PPP6R2: variants seen among roughly 807,000 people sequenced by gnomAD.
PPP6R2 encodes protein phosphatase 6 regulatory subunit 2, also known as serine/threonine-protein phosphatase 6 regulatory subunit 2.
A neutral mutation model predicts 100.2 loss-of-function variants in PPP6R2; 62 were observed. That is an observed-to-expected ratio of 0.62 (90% CI 0.50 to 0.76). The LOEUF (loss-of-function observed/expected upper bound fraction) is 0.76, where lower values mean the gene tolerates loss of function less well. Ranked by LOEUF, PPP6R2 falls within the 30% of genes least tolerant of loss-of-function variation. The probability of loss-of-function intolerance (pLI) is 0.00; values close to 1 mark genes in which losing one functional copy is unlikely to be tolerated. For missense variants in PPP6R2, 1,142 were observed against 1,276.3 expected, an observed-to-expected ratio of 0.89 and a Z score of 1.60; for synonymous variants, 525 against 514.7, an observed-to-expected ratio of 1.02 and a Z score of -0.27.
At chr22:50,359,252 T>C (rs1399032536) in intron 1 of PPP6R2, among the ~76,000 whole-genome samples, 1 of 142,818 alleles carries the variant, frequency 7.0e-6, no homozygotes, top group African/African-American at 2.7e-5. Flanking sequence ...TGAGTCTTGC[T>C]CTGTCGCCCA....
At chr22:50,362,556 G>A (rs1263149849) in intron 1 of PPP6R2, among the ~76,000 whole-genome samples, 1 of 152,154 alleles carries the variant, frequency 6.6e-6, no homozygotes, top group Admixed American at 6.5e-5. Flanking sequence ...TGGTGGAAGG[G>A]CTCAAAGACA....
intron 1 of PPP6R2, among the ~76,000 whole-genome samples, chr22:50,358,220 C>A (rs762076886): frequency 6.6e-6 from 1 of 152,098 alleles, no homozygotes; most frequent in Admixed American, 6.6e-5. Flanking sequence ...CCTCCTGAGT[C>A]GCTCAGATTA....
chr22:50,337,277 TGTGTG>T, the PPP6R2 span, among the ~76,000 whole-genome samples: 3 of 142,440 alleles, frequency 2.1e-5, no homozygotes, highest in African/African-American at 5.3e-5. Context: ...GTGTGGTACA[TGTGTG>T]GTGTGTGGTA....
upstream of PPP6R2, among the ~76,000 whole-genome samples, chr22:50,339,261 ATT>A (rs1434763761): frequency 1.8e-5 from 1 of 56,172 alleles, no homozygotes; most frequent in Non-Finnish European, 3.1e-5. Flanking sequence ...GTGTTGTGTG[ATT>A]GTGTGGTGTG....
At chr22:50,432,721 G>A (rs1314901914) in intron 12 of PPP6R2, among the ~76,000 whole-genome samples, 1 of 152,350 alleles carries the variant, frequency 6.6e-6, no homozygotes, top group African/African-American at 2.4e-5. Flanking sequence ...CTTAATGGGT[G>A]CTCCCTCTGG....
At chr22:50,387,193 C>A (rs2148765219) in intron 2 of PPP6R2, among the ~76,000 whole-genome samples, 1 of 152,208 alleles carries the variant, frequency 6.6e-6, no homozygotes, top group South Asian at 2.1e-4. Flanking sequence ...CCCGGAGTAG[C>A]TGAGATGATA....
rs1370619181 is a variant in PPP6R2, at chr22:50,444,972, TGTC to T, written c.*729_*731del. ...TTTCTAGCACTACCGGTCACGGCCA[TGTC>T]GTCCTAGAAGGGTCCAGAAGATTAT... is the stretch of plus-strand genomic sequence containing the variant. On this transcript the variant is annotated 3_prime_UTR_variant, in exon 24 of 24. Coordinates refer to ENST00000612753, the MANE Select transcript of PPP6R2 (RefSeq NM_001242898.2). The T allele has an allele frequency of 3.3e-5, 5 of 152,608 alleles. No individual in the cohort carries two copies. Among genetic ancestry groups the T allele is most frequent in the Admixed American group, 6.5e-5 (1 of 15,286 alleles). 9.5% of individuals were successfully genotyped at this position (152,608 alleles called of 1,614,324 possible). A position where few individuals can be genotyped will look rare whatever the true frequency, so the allele number is the denominator to read the frequency against.
intron 12 of PPP6R2, among the ~76,000 whole-genome samples, chr22:50,433,235 C>G (rs540809371): frequency 1.2e-4 from 13 of 107,944 alleles, no homozygotes; most frequent in African/African-American, 4.4e-4. Flanking sequence ...GCAGGGGGCG[C>G]GGACGCTGGG....
intron 1 of PPP6R2, among the ~76,000 whole-genome samples, chr22:50,360,848 A>G (rs1369921775): frequency 6.6e-6 from 1 of 152,124 alleles, no homozygotes; most frequent in Non-Finnish European, 1.5e-5. Context: ...AGAGTCTGTC[A>G]GTATCTGTTT....
upstream of PPP6R2, among the ~76,000 whole-genome samples, chr22:50,339,021 G>C (rs1601853031): frequency 7.0e-6 from 1 of 143,872 alleles, no homozygotes; most frequent in African/African-American, 2.6e-5. Flanking sequence ...TGTGGTGTGT[G>C]TGTGTGGTGT....
At chr22:50,371,667 C>G (rs2050244463) in intron 1 of PPP6R2, among the ~76,000 whole-genome samples, 1 of 151,330 alleles carries the variant, frequency 6.6e-6, no homozygotes, top group African/African-American at 2.4e-5. Flanking sequence ...GAGATGGGGT[C>G]AGTCTCTGGT....
chr22:50,337,251 G>GGT, the PPP6R2 span, among the ~76,000 whole-genome samples: 2 of 139,936 alleles, frequency 1.4e-5, no homozygotes, highest in African/African-American at 2.8e-5. Context: ...GTGTGTGTGT[G>GGT]GTGTGTGTGC....
In PPP6R2 at chr22:50,423,002, G is replaced by A. The variant is rs140921546; in HGVS notation, c.973-460G>A. On this transcript the variant is annotated intron_variant, in intron 9 of 23. Transcript: ENST00000612753. The surrounding 1 kb of genome is among the most constrained non-coding windows in gnomAD (Gnocchi z 4.8). ...TGAGTGTGGGGGATCAGAAAAGACC[G>A]CGGTCCATCGGAGGAGGCATTCCCG... Among the ~76,000 whole-genome samples the A allele has an allele frequency of 9.9e-5, 15 of 152,248 alleles. No individual in the cohort carries two copies. The East Asian group carries it at 1.4e-3, about 14-fold the overall frequency.
At chr22:50,361,801 C>T (rs987052776) in intron 1 of PPP6R2, among the ~76,000 whole-genome samples, 15 of 151,996 alleles carry the variant, frequency 9.9e-5, no homozygotes, top group African/African-American at 3.4e-4. Context: ...TCTTGTGGTG[C>T]GCGTAGGTGC....
chr22:50,392,348 A>G (rs995028605), intron 2 of PPP6R2, among the ~76,000 whole-genome samples: 13 of 151,892 alleles, frequency 8.6e-5, no homozygotes, highest in Admixed American at 2.6e-4. Context: ...CAGAAAAAAA[A>G]AAAAAAAAAA....
At chr22:50,338,180 T>C in the PPP6R2 span, among the ~76,000 whole-genome samples, 1 of 143,368 alleles carries the variant, frequency 7.0e-6, no homozygotes, top group Non-Finnish European at 1.5e-5. Context: ...GAGGTGTGTG[T>C]GTGCTGTGTG....
rs369985953 is a variant in PPP6R2 at position 50,437,479 on chromosome 22, GTCCCTCCCTCCCTCCC to G, written c.1684-18_1684-3del. 3 of 776,308 alleles carry G rather than the reference GTCCCTCCCTCCCTCCC, an allele frequency of 3.9e-6. No homozygotes were observed. Among genetic ancestry groups the G allele is most frequent in the Non-Finnish European group, 4.7e-6 (2 of 422,130 alleles). The allele number at this position is 776,308 out of a possible 1,614,324, so 48.1% of individuals were successfully genotyped here. On this transcript the variant is annotated splice_polypyrimidine_tract_variant and intron_variant, in intron 15 of 23. Transcript: ENST00000612753. ...CCTCCTCCATGACCGGTGTCTGTCC[GTCCCTCCCTCCCTCCC>G]TCCCTCCCAGGCCTTCTCTGACTAC...
chr22:50,366,815 G>T (rs1362009977), intron 1 of PPP6R2, among the ~76,000 whole-genome samples: 2 of 152,150 alleles, frequency 1.3e-5, no homozygotes, highest in Non-Finnish European at 2.9e-5. Flanking sequence ...GTCAGAGACT[G>T]CCAGCCAGCC....
intron 1 of PPP6R2, among the ~76,000 whole-genome samples, chr22:50,361,804 G>A (rs146417734): frequency 1.4e-4 from 22 of 152,222 alleles, no homozygotes; most frequent in Admixed American, 8.5e-4. Flanking sequence ...TGTGGTGCGC[G>A]TAGGTGCGGA....
Sources: allele counts gnomAD v4.1 joint callset (sites outside exome capture counted in the v4.1 genomes callset), GRCh38; gene constraint gnomAD v4.1.1; non-coding constraint Gnocchi (gnomAD v3.1); transcripts MANE v1.5; gene names NCBI Gene and HGNC (gene_info 2026-07-23, HGNC 2026-07-21).